NME7: variants seen among roughly 807,000 people sequenced by gnomAD.
NME7 encodes the protein NME/NM23 family member 7, also known as nucleoside diphosphate kinase 7.
Under a neutral mutation model 49.1 loss-of-function variants are expected in NME7, and 41 were observed. The ratio of observed to expected loss-of-function variants is 0.83; its 90% CI spans 0.65 to 1.08. The LOEUF is 1.08. Among genes scored for constraint, NME7 ranks in the 50% least tolerant of loss-of-function variants. The probability of loss-of-function intolerance (pLI) is 0.00; values close to 1 mark genes in which losing one functional copy is unlikely to be tolerated. For missense variants in NME7, 423 were observed against 463.4 expected, an observed-to-expected ratio of 0.91 and a Z score of 0.80; for synonymous variants, 139 against 150.6, an observed-to-expected ratio of 0.92 and a Z score of 0.56.
At chr1:169,219,588 T>A (rs1300010732) in intron 10 of NME7, among the ~76,000 whole-genome samples, 1 of 152,168 alleles carries the variant, frequency 6.6e-6, no homozygotes, top group Non-Finnish European at 1.5e-5. Context: ...TGACTTGAGA[T>A]AGGATCTCAC....
chr1:169,298,739 A>G lies in NME7; in HGVS notation c.465T>C (p.Thr155=). 1 of 1,613,796 alleles carries G rather than the reference A, an allele frequency of 6.2e-7. No individual in the cohort carries two copies. The highest frequency in any genetic ancestry group is 8.5e-7 in the Non-Finnish European group (1 of 1,179,804). Residue 155 remains threonine, a synonymous_variant, in exon 6 of 12, where the codon ACT becomes ACC. Coordinates refer to ENST00000367811, the MANE Select transcript of NME7 (RefSeq NM_013330.5). ...AAATCTCCATGGCAATAATAGGACC[A>G]GTTGTAATAAACTGGATCAGCTCAC... The part of the protein sequence containing the change: ...FFNELIQFIT[T]GPIIAMEILR...
chr1:169,288,512 C>A (rs10442644), intron 6 of NME7, among the ~76,000 whole-genome samples: 37,387 of 151,994 alleles, frequency 0.25, 5,578 homozygotes, highest in Non-Finnish European at 0.34. Flanking sequence ...TAGACTCGTG[C>A]AGTTCAAACC....
At chr1:169,276,314 T>G (rs1195853938) in intron 7 of NME7, among the ~76,000 whole-genome samples, 4 of 133,588 alleles carry the variant, frequency 3.0e-5, no homozygotes, top group African/African-American at 7.6e-5. Flanking sequence ...ATCCATCTGG[T>G]CCTGGACTCT....
chr1:169,195,326 C>T, intron 10 of NME7, among the ~76,000 whole-genome samples: 1 of 152,228 alleles, frequency 6.6e-6, no homozygotes, highest in East Asian at 1.9e-4. Flanking sequence ...ATCCTCCCAC[C>T]TCAGCTTCCT....
intron 7 of NME7, among the ~76,000 whole-genome samples, chr1:169,279,134 G>T (rs1159073972): frequency 6.6e-6 from 1 of 152,178 alleles, no homozygotes; most frequent in East Asian, 1.9e-4. Flanking sequence ...TGGGGGTCAG[G>T]GGTCAGGGAC....
intron 11 of NME7, among the ~76,000 whole-genome samples, chr1:169,148,888 C>T (rs181032863): frequency 6.6e-6 from 1 of 152,312 alleles, no homozygotes; most frequent in East Asian, 1.9e-4. Flanking sequence ...AAGCCATGTA[C>T]CCATACATGT....
At chr1:169,197,133 C>T (rs138205586) in intron 10 of NME7, among the ~76,000 whole-genome samples, 1 of 151,806 alleles carries the variant, frequency 6.6e-6, no homozygotes, top group African/African-American at 2.4e-5. Flanking sequence ...AATAAGAGTA[C>T]CTATATTTCA....
At chr1:169,342,424 G>A (rs143183395) in intron 1 of NME7, among the ~76,000 whole-genome samples, 18 of 149,674 alleles carry the variant, frequency 1.2e-4, no homozygotes, top group African/African-American at 3.7e-4. Context: ...CCAGTCTCAC[G>A]TAGTACCTTT....
At chr1:169,159,905 C>T (rs866116279) in intron 11 of NME7, among the ~76,000 whole-genome samples, 1 of 152,140 alleles carries the variant, frequency 6.6e-6, no homozygotes, top group Non-Finnish European at 1.5e-5. Context: ...ATTTGAGTCA[C>T]CATTTTCTTC....
intron 3 of NME7, among the ~76,000 whole-genome samples, chr1:169,319,202 A>T (rs187642604): frequency 6.6e-6 from 1 of 152,266 alleles, no homozygotes; most frequent in Non-Finnish European, 1.5e-5. Flanking sequence ...CCAAGATTTT[A>T]TGACATTTCC....
intron 11 of NME7, among the ~76,000 whole-genome samples, chr1:169,135,361 A>AATAGCTT (rs1658399295): frequency 6.6e-6 from 1 of 152,208 alleles, no homozygotes; most frequent in South Asian, 2.1e-4. Context: ...AAAGCTCAGT[A>AATAGCTT]ATAGCTTAAA....
At chr1:169,148,998 A>G (rs942588174) in intron 11 of NME7, among the ~76,000 whole-genome samples, 3 of 152,246 alleles carry the variant, frequency 2.0e-5, no homozygotes, top group African/African-American at 7.2e-5. Context: ...TTCAACTTCA[A>G]GATTACTAGA....
Position 169,267,979 on chromosome 1 carries a change from C to T in NME7, c.754+19324G>A, listed in dbSNP as rs1214879351. Among the ~76,000 whole-genome samples, 2 of 133,072 alleles carry T rather than the reference C, an allele frequency of 1.5e-5. 1 individual carries two copies. Among genetic ancestry groups the T allele is most frequent in the African/African-American group, 5.1e-5 (2 of 39,384 alleles). 87.3% of individuals were successfully genotyped at this position (133,072 alleles called of 152,430 possible). A position where few individuals can be genotyped will look rare whatever the true frequency, so the allele number is the denominator to read the frequency against. ...AAGAGCTTTTGCATAGCAAAAGAAACTATGAACAGAGTAAACAGACAACCT... is the reference window on the plus strand; with the variant it reads ...AAGAGCTTTTGCATAGCAAAAGAAATTATGAACAGAGTAAACAGACAACCT... On this transcript the variant is annotated intron_variant, in intron 7 of 11. Coordinates refer to ENST00000367811, the MANE Select transcript of NME7 (RefSeq NM_013330.5).
chr1:169,304,822 A>G (rs936471156), intron 4 of NME7, among the ~76,000 whole-genome samples: 2 of 152,204 alleles, frequency 1.3e-5, no homozygotes, highest in Non-Finnish European at 2.9e-5. Flanking sequence ...ACTGTAGAAC[A>G]ACATTCTAGA....
Position 169,237,751 on chromosome 1 carries a change from T to C in NME7, c.755-64A>G, listed in dbSNP as rs946093050. On this transcript the variant is annotated intron_variant, in intron 7 of 11. Coordinates refer to ENST00000367811, the MANE Select transcript of NME7 (RefSeq NM_013330.5). ...TTAAGACATTTTAGTTTCTTAGAAA[T>C]GCAAATTTTTTATAGCAAAGTACTT... 2.3e-6 allele frequency: 3 copies of C among 1,309,984 alleles called. No individual in the cohort carries two copies. In the African/African-American group the frequency reaches 4.4e-5, roughly 19 times the overall value. The allele number at this position is 1,309,984 out of a possible 1,614,324, so 81.1% of individuals were successfully genotyped here. A position where few individuals can be genotyped will look rare whatever the true frequency, so the allele number is the denominator to read the frequency against.
chr1:169,136,567 G>A (rs1002914994), intron 11 of NME7, among the ~76,000 whole-genome samples: 8 of 152,094 alleles, frequency 5.3e-5, no homozygotes, highest in African/African-American at 1.4e-4. Context: ...TTTTACTTTT[G>A]TACTTCTAAA....
At chr1:169,140,654 G>C (rs1046594535) in intron 11 of NME7, among the ~76,000 whole-genome samples, 3 of 151,088 alleles carry the variant, frequency 2.0e-5, no homozygotes, top group African/African-American at 7.3e-5. Context: ...AGGTGACCTT[G>C]ACACTTCCTC....
At chr1:169,360,739 T>G (rs1466034036) in intron 1 of NME7, among the ~76,000 whole-genome samples, 1 of 151,836 alleles carries the variant, frequency 6.6e-6, no homozygotes, top group Admixed American at 6.5e-5. Flanking sequence ...CGTCCCTGAT[T>G]GTCCTACTCA....
At chr1:169,147,338 T>G (rs1658785153) in intron 11 of NME7, among the ~76,000 whole-genome samples, 1 of 152,164 alleles carries the variant, frequency 6.6e-6, no homozygotes, top group Admixed American at 6.5e-5. Flanking sequence ...TATCATGAAC[T>G]CTAAAGAAAT....
Sources: allele counts gnomAD v4.1 joint callset (sites outside exome capture counted in the v4.1 genomes callset), GRCh38; gene constraint gnomAD v4.1.1; transcripts MANE v1.5; gene names NCBI Gene and HGNC (gene_info 2026-07-23, HGNC 2026-07-21).